Variants in CASZ1 observed in about 807,000 individuals in gnomAD.
CASZ1 encodes the protein zinc finger protein castor homolog 1.
In CASZ1, 28 loss-of-function variants were observed where a neutral mutation model predicts 135.2. The ratio of observed to expected loss-of-function variants is 0.21; its 90% confidence interval spans 0.15 to 0.28. The LOEUF is 0.28. Among genes scored for constraint, CASZ1 ranks in the 10% least tolerant of loss-of-function variants. The pLI is 1.00. For missense variants in CASZ1, 2,161 were observed against 2,453.3 expected, an observed-to-expected ratio of 0.88 and a Z score of 2.52; for synonymous variants, 1,068 against 1,073.4, an observed-to-expected ratio of 0.99 and a Z score of 0.10.
Position 10,657,721 on chromosome 1 carries a change from G to A in CASZ1, c.1409+787C>T, listed in dbSNP as rs980897143. On this transcript the variant is annotated intron_variant, in intron 7 of 20. Transcript: ENST00000377022. The surrounding 1 kb of genome is among the most constrained non-coding windows in gnomAD (Gnocchi z 5.7). ...GTGGAGGCGGAGAGACAGAGCGGGC[G>A]GGAGGAACCTGGAAGATCTGCGGAC... is the stretch of plus-strand genomic sequence containing the variant. Among the ~76,000 whole-genome samples, 4 of 151,302 alleles carry A rather than the reference G, an allele frequency of 2.6e-5. No homozygotes were observed. Among genetic ancestry groups the A allele is most frequent in the East Asian group, 2.0e-4 (1 of 5,120 alleles).
intron 15 of CASZ1, 38 bp downstream of exon 15, chr1:10,649,032 T>TG: frequency 6.2e-7 from 1 of 1,605,664 alleles, no homozygotes; most frequent in Non-Finnish European, 8.5e-7. Context: ...CTGGGATCCG[T>TG]GGGGCTCTGT....
rs58824710 is a variant in CASZ1 at position 10,735,336 on chromosome 1, A to T, written c.-77+25365T>A. 2.0e-5 allele frequency among the ~76,000 whole-genome samples: 3 copies of T among 152,166 alleles called. No individual in the cohort carries two copies. The highest frequency in any genetic ancestry group is 2.9e-5 in the Non-Finnish European group (2 of 68,020). ...TGGGAGAGGGAAAGGTTGAGCCGCC[A>T]CGGGCCCCAAGCTGCATTCTGAGCT... On this transcript the variant is annotated intron_variant, in intron 2 of 20. Coordinates refer to ENST00000377022, the MANE Select transcript of CASZ1 (RefSeq NM_001079843.3). The surrounding 1 kb of genome is among the most constrained non-coding windows in gnomAD (Gnocchi z 5.1).
At position 10,740,973 on chromosome 1, in the gene CASZ1, A is replaced by AAAAAAAG. The variant is rs1553138434; in HGVS notation, c.-77+19727_-77+19728insCTTTTTT. 4.6e-5 allele frequency among the ~76,000 whole-genome samples: 6 copies of AAAAAAAG among 131,298 alleles called. No individual in the cohort carries two copies. The Admixed American group carries it at 5.0e-4, about 11-fold the overall frequency. The allele number at this position is 131,298 out of a possible 152,430, so 86.1% of individuals were successfully genotyped here. A position where few individuals can be genotyped will look rare whatever the true frequency, so the allele number is the denominator to read the frequency against. On this transcript the variant is annotated intron_variant, in intron 2 of 20. Coordinates refer to ENST00000377022, the MANE Select transcript of CASZ1 (RefSeq NM_001079843.3). ...ACCCTGTCTGGACAAAAAAAAAAAA[A>AAAAAAAG]AAAAGAAAAAAAAGTCTAAAAAACA...
At chr1:10,644,306 G>A (rs964789405) in intron 18 of CASZ1, among the ~76,000 whole-genome samples, 1 of 152,180 alleles carries the variant, frequency 6.6e-6, no homozygotes, top group Non-Finnish European at 1.5e-5. Context: ...GGCATCAGTG[G>A]CCTCCCTTCC....
At chr1:10,643,541 G>A (rs1642273910) in intron 18 of CASZ1, among the ~76,000 whole-genome samples, 1 of 152,258 alleles carries the variant, frequency 6.6e-6, no homozygotes, top group African/African-American at 2.4e-5. Flanking sequence ...AGAGGCGAGT[G>A]ACAATGCTGG....
Position 10,690,262 on chromosome 1 carries a change from C to T in CASZ1, c.16+3612G>A, listed in dbSNP as rs560196047. Among the ~76,000 whole-genome samples, 247 of 152,322 alleles carry T rather than the reference C, an allele frequency of 1.6e-3. 1 individual carries two copies. Among genetic ancestry groups the T allele is most frequent in the African/African-American group, 5.6e-3 (234 of 41,574 alleles). ...CCTCCACACTTGGCAAGGCTCTGGC[C>T]TTGACCTGGCAGCTCATGGAAGGTC... On this transcript the variant is annotated intron_variant, in intron 4 of 20. Transcript: ENST00000377022.
chr1:10,733,874 G>A lies in CASZ1; in HGVS notation c.-77+26827C>T, dbSNP rs1036930395. On this transcript the variant is annotated intron_variant, in intron 2 of 20. Coordinates refer to ENST00000377022, the MANE Select transcript of CASZ1 (RefSeq NM_001079843.3). The stretch of plus-strand genomic sequence containing the variant: ...GGTGATATTGGCACCTGCCTCACAG[G>A]GCTGCTGAAGGAGAGTCCATGAAAT... Among the ~76,000 whole-genome samples the A allele has an allele frequency of 3.1e-4, 47 of 152,302 alleles. 1 individual carries two copies. Among genetic ancestry groups the A allele is most frequent in the Non-Finnish European group, 2.1e-4 (14 of 68,034 alleles).
At position 10,657,749 on chromosome 1, in the gene CASZ1, A is replaced by G. The variant is rs1157989120; in HGVS notation, c.1409+759T>C. On this transcript the variant is annotated intron_variant, in intron 7 of 20. Transcript: ENST00000377022. The surrounding 1 kb of genome is among the most constrained non-coding windows in gnomAD (Gnocchi z 5.7). ...AGGAACCTGGAAGATCTGCGGACAGACAGGCGCCAGCCGCTGGGTGCTGCC... is the reference window on the plus strand; with the variant it reads ...AGGAACCTGGAAGATCTGCGGACAGGCAGGCGCCAGCCGCTGGGTGCTGCC... 3.8e-5 allele frequency among the ~76,000 whole-genome samples: 5 copies of G among 132,130 alleles called. No individual in the cohort carries two copies. In the Admixed American group the frequency reaches 4.1e-4, roughly 11 times the overall value. 86.7% of individuals were successfully genotyped at this position (132,130 alleles called of 152,430 possible).
In CASZ1 at chr1:10,639,586, C is replaced by T; in HGVS notation, c.4636G>A (p.Ala1546Thr). The change falls in exon 21 of 21, where the codon GCG becomes ACG. Residue 1546 changes from alanine to threonine, a missense_variant. Ala to Thr is a moderately conservative substitution (Grantham distance 58). Coordinates refer to ENST00000377022, the MANE Select transcript of CASZ1 (RefSeq NM_001079843.3). This position sits in a 1 kb window ranked among gnomAD's most constrained non-coding sequence, Gnocchi z 4.0. Reference sequence around the variant, plus strand: ...CTGGAGCTGAACTGGCAGAAGCCCGCGGCGCTGATCACGTCCTGTTTGCCG... The same window carrying T: ...CTGGAGCTGAACTGGCAGAAGCCCGTGGCGCTGATCACGTCCTGTTTGCCG... ...HHGKQDVISA[A>T]GFCQFSSSAD... 1.2e-6 allele frequency: 2 copies of T among 1,611,766 alleles called. No homozygotes were observed. The highest frequency in any genetic ancestry group is 1.3e-5 in the African/African-American group (1 of 75,048).
chr1:10,720,323 G>A lies in CASZ1; in HGVS notation c.-76-14779C>T, dbSNP rs560858613. 3.3e-5 allele frequency among the ~76,000 whole-genome samples: 5 copies of A among 152,310 alleles called. No homozygotes were observed. The East Asian group carries it at 7.7e-4, about 23-fold the overall frequency. On this transcript the variant is annotated intron_variant, in intron 2 of 20. Transcript: ENST00000377022. The surrounding 1 kb of genome is among the most constrained non-coding windows in gnomAD (Gnocchi z 5.7). ...GATCATTGTCATCATCATCGCCATC[G>A]CTAAACACTTCTCTAACCAGGATAT... is the stretch of plus-strand genomic sequence containing the variant.
chr1:10,673,386 G>A (rs1302494456), intron 4 of CASZ1, among the ~76,000 whole-genome samples: 2 of 151,678 alleles, frequency 1.3e-5, no homozygotes, highest in Admixed American at 6.6e-5. Context: ...ATTTTTTTTC[G>A]TCCCCTCTCC....
At chr1:10,786,482 C>T (rs565701879) in intron 1 of CASZ1, among the ~76,000 whole-genome samples, 3 of 152,316 alleles carry the variant, frequency 2.0e-5, no homozygotes, top group South Asian at 4.2e-4. Context: ...CAAGCTCTCC[C>T]AGTTCCCCTC....
At position 10,677,384 on chromosome 1, in the gene CASZ1, G is replaced by A. The variant is rs114503491; in HGVS notation, c.17-11813C>T. ...CCGAGGAGGGCAGGAGGGGACAGGG[G>A]CCTTCTCATGGGTACGTCTAAAGTG... On this transcript the variant is annotated intron_variant, in intron 4 of 20. Coordinates refer to ENST00000377022, the MANE Select transcript of CASZ1 (RefSeq NM_001079843.3). Among the ~76,000 whole-genome samples the A allele has an allele frequency of 8.9e-3, 1,353 of 152,190 alleles. 16 individuals are homozygous for A. Among genetic ancestry groups the A allele is most frequent in the African/African-American group, 0.03 (1,254 of 41,522 alleles).
rs907702519 is a variant in CASZ1 at position 10,653,475 on chromosome 1, G to A, written c.2582C>T (p.Ser861Phe). ...GCTTGCAGAGATCCTCTCCATGATG[G>A]AGGCGGGTGGTGCCGGGACAGAGGC... The part of the protein sequence containing the change: ...AAASVPAPPA[S>F]IMERISASKG... Residue 861 changes from serine to phenylalanine, a missense_variant, in exon 11 of 21, where the codon TCC becomes TTC. This residue lies in a region of CASZ1 where 406 missense variants were observed against 387.6 expected (regional missense o/e 1.05). Coordinates refer to ENST00000377022, the MANE Select transcript of CASZ1 (RefSeq NM_001079843.3). 6.2e-7 allele frequency: 1 copy of A among 1,613,012 alleles called. No individual in the cohort carries two copies. Among genetic ancestry groups the A allele is most frequent in the Admixed American group, 1.7e-5 (1 of 59,998 alleles).
intron 2 of CASZ1, among the ~76,000 whole-genome samples, chr1:10,744,029 A>G (rs865814939): frequency 7.2e-5 from 11 of 152,032 alleles, no homozygotes; most frequent in Non-Finnish European, 1.6e-4. Context: ...CACTTGGCAT[A>G]CCACCTAATC....
intron 4 of CASZ1, among the ~76,000 whole-genome samples, chr1:10,688,059 G>A (rs969729537): frequency 2.6e-5 from 4 of 152,238 alleles, no homozygotes; most frequent in Admixed American, 2.0e-4. Flanking sequence ...ACAGCAGGAA[G>A]GCGTGAGCCC....
At chr1:10,743,760 C>T (rs1027172732) in intron 2 of CASZ1, among the ~76,000 whole-genome samples, 7 of 150,718 alleles carry the variant, frequency 4.6e-5, no homozygotes, top group East Asian at 2.0e-4. Context: ...TGGAGAACCC[C>T]GATCCCGTGA....
rs1009083252 is a variant in CASZ1 at position 10,767,214 on chromosome 1, T to C, written c.-233-6357A>G. On this transcript the variant is annotated intron_variant, in intron 1 of 20. Transcript: ENST00000377022. This position sits in a 1 kb window ranked among gnomAD's most constrained non-coding sequence, Gnocchi z 4.2. ...GGGGCCCGGTCGTCCACATTCCTCA[T>C]GAGTTCCTGCCCCAGTCCTGGCCCA... Among the ~76,000 whole-genome samples, 1 of 152,052 alleles carries C rather than the reference T, an allele frequency of 6.6e-6. No homozygotes were observed. Among genetic ancestry groups the C allele is most frequent in the African/African-American group, 2.4e-5 (1 of 41,386 alleles).
At chr1:10,740,442 A>C (rs1026354868) in intron 2 of CASZ1, among the ~76,000 whole-genome samples, 1 of 152,178 alleles carries the variant, frequency 6.6e-6, no homozygotes, top group Non-Finnish European at 1.5e-5. Flanking sequence ...ATGCCTGTGT[A>C]ACAGATGGGA....
Sources: allele counts gnomAD v4.1 joint callset (sites outside exome capture counted in the v4.1 genomes callset), GRCh38; gene constraint gnomAD v4.1.1; regional missense constraint gnomAD v4.1.1; non-coding constraint Gnocchi (gnomAD v3.1); transcripts MANE v1.5; gene names NCBI Gene and HGNC (gene_info 2026-07-23, HGNC 2026-07-21).